The following C11orf65 variants were observed in gnomAD, a reference collection of about 807,000 sequenced individuals.
C11orf65 encodes the protein protein MFI.
C11orf65 carries 38 observed loss-of-function variants against 35.3 expected under a neutral mutation model. That is an observed-to-expected ratio of 1.08 (90% CI 0.83 to 1.41). C11orf65 has a LOEUF of 1.41. C11orf65 is among the 40% of genes most tolerant of loss of function. C11orf65 has a pLI of 0.00. For missense variants in C11orf65, 370 were observed against 367.1 expected (o/e 1.01, Z -0.06); for synonymous variants, 105 against 114.4 (o/e 0.92, Z 0.53).
rs1131691149 is a variant in C11orf65, at chr11:108,365,110, G to A, written c.226+28098C>T. 1 of 1,614,090 alleles carries A rather than the reference G, an allele frequency of 6.2e-7. No homozygotes were observed. Among genetic ancestry groups the A allele is most frequent in the South Asian group, 1.1e-5 (1 of 91,078 alleles). On this transcript the variant is annotated intron_variant, in intron 2 of 3. Transcript: ENST00000524755. ...CTTCTATATGATCCACTCTTTGACTGGACCATGAATCCTTTGAAAGCTTTG... is the reference window on the plus strand; with the variant it reads ...CTTCTATATGATCCACTCTTTGACTAGACCATGAATCCTTTGAAAGCTTTG...
intron 2 of C11orf65, among the ~76,000 whole-genome samples, chr11:108,360,504 T>G (rs1433493224): frequency 0.033 from 4,257 of 127,214 alleles, 118 homozygotes; most frequent in Non-Finnish European, 0.048. Flanking sequence ...AAAAGAGAAT[T>G]TTAGACCAAT....
At chr11:108,408,445 A>C (rs1009527150) in intron 3 of C11orf65, among the ~76,000 whole-genome samples, 3 of 151,736 alleles carry the variant, frequency 2.0e-5, no homozygotes, top group Non-Finnish European at 4.4e-5. Context: ...GAAGCCGAGG[A>C]GGGTGGATTG....
chr11:108,439,183 A>G (rs1462869095), intron 2 of C11orf65, among the ~76,000 whole-genome samples: 1 of 152,240 alleles, frequency 6.6e-6, no homozygotes, highest in South Asian at 2.1e-4. Flanking sequence ...TCTTGAATAT[A>G]TATTTCTCCA....
intron 2 of C11orf65, among the ~76,000 whole-genome samples, chr11:108,443,027 T>C (rs528501940): frequency 2.8e-4 from 43 of 152,174 alleles, no homozygotes; most frequent in Admixed American, 2.0e-3. Context: ...GACTGGCAAA[T>C]TGGATAAAGA....
chr11:108,311,261 C>T (rs917864426), intron 6 of C11orf65, among the ~76,000 whole-genome samples: 8 of 152,148 alleles, frequency 5.3e-5, no homozygotes, highest in African/African-American at 7.2e-5. Context: ...AAGCATGAGC[C>T]GCTGCACCTG....
At chr11:108,412,058 G>A (rs1235758411) in intron 3 of C11orf65, among the ~76,000 whole-genome samples, 1 of 152,106 alleles carries the variant, frequency 6.6e-6, no homozygotes, top group East Asian at 1.9e-4. Context: ...TTACAGGTGT[G>A]AGCACCATGC....
chr11:108,394,534 A>G (rs1195476514), intron 6 of C11orf65, among the ~76,000 whole-genome samples: 1 of 152,260 alleles, frequency 6.6e-6, no homozygotes, highest in Non-Finnish European at 1.5e-5. Flanking sequence ...ATCTGAGCAC[A>G]TAAAATAATA....
At chr11:108,466,477 G>A (rs1046404585) in intron 1 of C11orf65, among the ~76,000 whole-genome samples, 16 of 152,182 alleles carry the variant, frequency 1.1e-4, no homozygotes, top group African/African-American at 3.9e-4. Context: ...GGAAGGCTGA[G>A]GCAGGAGAAT....
intron 2 of C11orf65, among the ~76,000 whole-genome samples, chr11:108,342,135 G>C (rs913621729): frequency 6.6e-6 from 1 of 152,034 alleles, no homozygotes; most frequent in Non-Finnish European, 1.5e-5. Context: ...ATTAGTGTTA[G>C]TGTATTTTAT....
intron 2 of C11orf65, among the ~76,000 whole-genome samples, chr11:108,376,961 C>A (rs926234033): frequency 2.6e-5 from 4 of 152,032 alleles, no homozygotes; most frequent in Non-Finnish European, 5.9e-5. Flanking sequence ...AGACCAATAA[C>A]AGGATCTGAA....
At chr11:108,408,027 A>G (rs934155894) in intron 3 of C11orf65, among the ~76,000 whole-genome samples, 1 of 138,312 alleles carries the variant, frequency 7.2e-6, no homozygotes, top group East Asian at 2.1e-4. Flanking sequence ...TATTATTATT[A>G]TTTTATTATT....
At chr11:108,376,201 C>T (rs2091720237) in intron 2 of C11orf65, among the ~76,000 whole-genome samples, 1 of 151,758 alleles carries the variant, frequency 6.6e-6, no homozygotes, top group Admixed American at 6.6e-5. Flanking sequence ...CAGCACCACA[C>T]CTATTCCAAA....
chr11:108,309,059 C>A, exon 7 of C11orf65: 1 of 1,504,956 alleles, frequency 6.6e-7, no homozygotes, highest in South Asian at 1.2e-5. Context: ...GAATAAGATC[C>A]TGAAGAATAT....
intron 2 of C11orf65, among the ~76,000 whole-genome samples, chr11:108,342,089 T>G (rs377605928): frequency 6.6e-6 from 1 of 152,078 alleles, no homozygotes; most frequent in Non-Finnish European, 1.5e-5. Flanking sequence ...AGATTTTTTT[T>G]GCAGTTTTTT....
intron 3 of C11orf65, among the ~76,000 whole-genome samples, chr11:108,333,149 C>T (rs1279898973): frequency 6.6e-6 from 1 of 152,082 alleles, no homozygotes; most frequent in Non-Finnish European, 1.5e-5. Flanking sequence ...GGCATACATA[C>T]TTATTACAGA....
At chr11:108,318,436 A>C (rs1015557094) in intron 6 of C11orf65, among the ~76,000 whole-genome samples, 1 of 152,078 alleles carries the variant, frequency 6.6e-6, no homozygotes, top group African/African-American at 2.4e-5. Context: ...CACACCTGTA[A>C]TCCCAGCACT....
rs778439888 is a variant in C11orf65 at position 108,367,987 on chromosome 11, G to A, written c.226+25221C>T. The A allele has an allele frequency of 1.9e-4, 39 of 205,486 alleles. No homozygotes were observed. The highest frequency in any genetic ancestry group is 1.8e-4 in the Admixed American group (3 of 16,712). 12.7% of individuals were successfully genotyped at this position (205,486 alleles called of 1,614,324 possible). On this transcript the variant is annotated intron_variant, in intron 2 of 3. Coordinates refer to the C11orf65 transcript ENST00000524755. ...ATTAGAAATTATCAACTAGATAATA[G>A]TATAGATAAATGAATTTGTAGCTAA...
At position 108,406,822 on chromosome 11, in the gene C11orf65, C is replaced by A; in HGVS notation, c.370G>T (p.Asp124Tyr). ...HNKNDHLQEE[D>Y]HSGWYHRIEN... ...ATACGATGATACCAGCCACTATGAT[C>A]CTCTTCCTGAAGATGATCATTTTTA... The change falls in exon 5 of 9, where the codon GAT becomes TAT. Residue 124 changes from aspartate to tyrosine, a missense_variant. Transcript: ENST00000393084. 6.2e-7 allele frequency: 1 copy of A among 1,613,272 alleles called. No individual in the cohort carries two copies. The highest frequency in any genetic ancestry group is 1.1e-5 in the South Asian group (1 of 91,038).
intron 3 of C11orf65, among the ~76,000 whole-genome samples, chr11:108,422,871 G>C (rs374212105): frequency 9.5e-5 from 14 of 147,756 alleles, no homozygotes; most frequent in African/African-American, 3.5e-4. Context: ...GACAGAGCAA[G>C]ACTCTGTCTC....
Sources: allele counts gnomAD v4.1 joint callset (sites outside exome capture counted in the v4.1 genomes callset), GRCh38; gene constraint gnomAD v4.1.1; transcripts MANE v1.5; gene names NCBI Gene and HGNC (gene_info 2026-07-23, HGNC 2026-07-21).